The following TNFAIP8 variants were observed in gnomAD, a reference collection of about 807,000 sequenced individuals.
TNFAIP8 encodes TNF alpha induced protein 8, also known as tumor necrosis factor alpha-induced protein 8.
In TNFAIP8, 7 loss-of-function variants were observed where a neutral mutation model predicts 13.3. The observed-to-expected ratio is 0.52, with a 90% CI of 0.30 to 0.99. TNFAIP8 has a LOEUF of 0.99. Ranked by LOEUF, TNFAIP8 falls within the 50% of genes least tolerant of loss-of-function variation. TNFAIP8 has a pLI of 0.07. For synonymous variants in TNFAIP8, 94 were observed against 87.6 expected (o/e 1.07, Z -0.41); for missense variants, 258 against 236.9 (o/e 1.09, Z -0.58).
chr5:119,356,150 G>T, intron 1 of TNFAIP8, 29 bp downstream of exon 1: 1 of 1,549,698 alleles, frequency 6.5e-7, no homozygotes. Flanking sequence ...CTGGGGGCCG[G>T]CCAAGTTCTG....
chr5:119,308,956 A>G (rs1406330258), intron 1 of TNFAIP8, among the ~76,000 whole-genome samples: 2 of 152,050 alleles, frequency 1.3e-5, no homozygotes, highest in Non-Finnish European at 2.9e-5. Flanking sequence ...CTCTCCAGTT[A>G]TCTATCATAG....
intron 1 of TNFAIP8, among the ~76,000 whole-genome samples, chr5:119,335,367 T>G (rs11951771): frequency 0.11 from 15,989 of 152,228 alleles, 1,051 homozygotes; most frequent in African/African-American, 0.2. Context: ...CTGGAGTCCA[T>G]GGCATGACTG....
chr5:119,356,141 T>A lies in TNFAIP8; in HGVS notation c.31+20T>A. ...AGGAAGGTAGGATTCTGGTTTCTCC[T>A]GGGGGCCGGCCAAGTTCTGCGGAGG... On this transcript the variant is annotated intron_variant, in intron 1 of 1. Coordinates refer to ENST00000504771, the MANE Select transcript of TNFAIP8 (RefSeq NM_014350.4). The A allele has an allele frequency of 6.4e-7, 1 of 1,565,974 alleles. No homozygotes were observed. The highest frequency in any genetic ancestry group is 1.2e-5 in the South Asian group (1 of 86,446).
chr5:119,341,490 A>G (rs1252459725), intron 1 of TNFAIP8, among the ~76,000 whole-genome samples: 1 of 152,246 alleles, frequency 6.6e-6, no homozygotes, highest in African/African-American at 2.4e-5. Context: ...TCCTTGGGCT[A>G]TAAGCCATCT....
chr5:119,374,608 G>T (rs1053503454), intron 1 of TNFAIP8, among the ~76,000 whole-genome samples: 1 of 152,200 alleles, frequency 6.6e-6, no homozygotes, highest in Non-Finnish European at 1.5e-5. Context: ...GGAACAGAGG[G>T]CTGTAGCTCT....
intron 1 of TNFAIP8, among the ~76,000 whole-genome samples, chr5:119,299,456 G>A (rs181587188): frequency 0.03 from 4,577 of 152,192 alleles, 239 homozygotes; most frequent in African/African-American, 0.1. Flanking sequence ...CTGTCTGATC[G>A]TTCCTCTGGA....
chr5:119,370,068 C>A (rs183290216), intron 1 of TNFAIP8, among the ~76,000 whole-genome samples: 95 of 152,166 alleles, frequency 6.2e-4, no homozygotes, highest in Non-Finnish European at 1.2e-3. Context: ...TTTAGGTAAC[C>A]CTTGTGTTTG....
intron 1 of TNFAIP8, among the ~76,000 whole-genome samples, chr5:119,278,376 A>AGTGTGT (rs71591297): frequency 3.7e-4 from 40 of 108,188 alleles, no homozygotes; most frequent in African/African-American, 1.4e-3. Context: ...AGAGAGAGAG[A>AGTGTGT]GTGTGTGTGT....
chr5:119,353,470 T>G (rs952583674), upstream of TNFAIP8, among the ~76,000 whole-genome samples: 11 of 152,172 alleles, frequency 7.2e-5, no homozygotes, highest in East Asian at 1.9e-3. Context: ...ATGTACTTAT[T>G]CACATAAAGC....
chr5:119,361,089 G>T (rs751007130), intron 1 of TNFAIP8, among the ~76,000 whole-genome samples: 2 of 152,178 alleles, frequency 1.3e-5, no homozygotes, highest in African/African-American at 4.8e-5. Context: ...TGGGAAGGGA[G>T]TCAGCATTCT....
At chr5:119,318,099 C>T (rs1295905260) in intron 1 of TNFAIP8, among the ~76,000 whole-genome samples, 1 of 152,098 alleles carries the variant, frequency 6.6e-6, no homozygotes, top group Non-Finnish European at 1.5e-5. Context: ...TATAGTCAAA[C>T]ATTAATTATA....
At chr5:119,271,831 T>C (rs1270061482) in intron 1 of TNFAIP8, among the ~76,000 whole-genome samples, 3 of 152,176 alleles carry the variant, frequency 2.0e-5, no homozygotes, top group Non-Finnish European at 2.9e-5. Context: ...CTGCATTTAA[T>C]ACCAAATGCA....
intron 1 of TNFAIP8, among the ~76,000 whole-genome samples, chr5:119,285,168 G>A (rs150009474): frequency 8.5e-5 from 13 of 152,248 alleles, no homozygotes; most frequent in Admixed American, 2.6e-4. Context: ...AGGAGGAGGC[G>A]AGCAGGCGAG....
chr5:119,331,126 G>C (rs1415044994), intron 1 of TNFAIP8, among the ~76,000 whole-genome samples: 1 of 152,104 alleles, frequency 6.6e-6, no homozygotes, highest in Non-Finnish European at 1.5e-5. Flanking sequence ...TCCACATTGG[G>C]CAATCATCAC....
chr5:119,394,399 G>C lies in TNFAIP8; in HGVS notation c.*1018G>C, dbSNP rs1753017171. 6.6e-6 allele frequency: 1 copy of C among 151,996 alleles called. No homozygotes were observed. The highest frequency in any genetic ancestry group is 2.1e-4 in the South Asian group (1 of 4,824). The allele number at this position is 151,996 out of a possible 1,614,324, so 9.4% of individuals were successfully genotyped here. A position where few individuals can be genotyped will look rare whatever the true frequency, so the allele number is the denominator to read the frequency against. Reference sequence around the variant, plus strand: ...TTTTTATTTAACTGATAAGATTTTTGTTATTTTTTACTTTGATAAGTAAAC... The same window carrying C: ...TTTTTATTTAACTGATAAGATTTTTCTTATTTTTTACTTTGATAAGTAAAC... On this transcript the variant is annotated 3_prime_UTR_variant, in exon 2 of 2. Coordinates refer to ENST00000504771, the MANE Select transcript of TNFAIP8 (RefSeq NM_014350.4).
chr5:119,336,270 C>T (rs1408738565), intron 1 of TNFAIP8, among the ~76,000 whole-genome samples: 2 of 152,204 alleles, frequency 1.3e-5, no homozygotes, highest in Non-Finnish European at 2.9e-5. Flanking sequence ...CCTGATCATC[C>T]AGCCTCATGG....
intron 1 of TNFAIP8, among the ~76,000 whole-genome samples, chr5:119,346,355 A>C (rs535222358): frequency 2.0e-5 from 3 of 152,318 alleles, no homozygotes; most frequent in Admixed American, 2.0e-4. Flanking sequence ...CAGCCTGCAG[A>C]AAGAGTGTAC....
chr5:119,292,007 G>T (rs775491688), intron 1 of TNFAIP8, among the ~76,000 whole-genome samples: 40 of 152,326 alleles, frequency 2.6e-4, no homozygotes, highest in East Asian at 7.7e-4. Flanking sequence ...GTGAAGTCAA[G>T]AATAAAATGC....
intron 1 of TNFAIP8, among the ~76,000 whole-genome samples, chr5:119,368,379 A>T (rs1751946555): frequency 6.6e-6 from 1 of 151,390 alleles, no homozygotes; most frequent in Admixed American, 6.6e-5. Flanking sequence ...GTCTGTTAAA[A>T]AAAAAAACCC....
Sources: gnomAD v4.1 joint callset for allele counts (sites outside exome capture counted in the v4.1 genomes callset) on GRCh38, gnomAD v4.1.1 for gene constraint, MANE v1.5 for transcripts, NCBI Gene and HGNC (gene_info 2026-07-23, HGNC 2026-07-21) for gene names.